The following ENO1 variants were observed in gnomAD, a reference collection of about 807,000 sequenced individuals.
ENO1 encodes alpha-enolase.
In ENO1, 33 loss-of-function variants were observed where a neutral mutation model predicts 46.3. The ratio of observed to expected loss-of-function variants is 0.71; its 90% CI spans 0.54 to 0.95. ENO1 has a LOEUF of 0.95. Among genes scored for constraint, ENO1 ranks in the 40% least tolerant of loss-of-function variants. The pLI, the probability that ENO1 is intolerant of heterozygous loss-of-function variation, is 0.00. For synonymous variants in ENO1, 220 were observed against 216.0 expected (o/e 1.02, Z -0.16); for missense variants, 488 against 553.3 (o/e 0.88, Z 1.18).
Position 8,867,257 on chromosome 1 carries a change from C to T in ENO1, c.311-7G>A. The T allele has an allele frequency of 1.2e-6, 2 of 1,613,924 alleles. No individual in the cohort carries two copies. The highest frequency in any genetic ancestry group is 1.7e-6 in the Non-Finnish European group (2 of 1,179,862). ...GCGTTCGCACCAAACTTAGCTAGAACAGAAGAGAACCGAGTGGAATGAAGT... is the reference window on the plus strand; with the variant it reads ...GCGTTCGCACCAAACTTAGCTAGAATAGAAGAGAACCGAGTGGAATGAAGT... On this transcript the variant is annotated splice_polypyrimidine_tract_variant and splice_region_variant and intron_variant, in intron 5 of 11. Transcript: ENST00000234590.
chr1:8,870,698 C>G, intron 3 of ENO1, 188 bp from the exon 4 acceptor site: 1 of 1,456,888 alleles, frequency 6.9e-7, no homozygotes, highest in Non-Finnish European at 9.0e-7. Context: ...GTGCTCCTAC[C>G]TAGGACCCCA....
intron 2 of ENO1, 37 bp downstream of exon 2, chr1:8,874,787 T>A: frequency 6.4e-7 from 1 of 1,574,222 alleles, no homozygotes; most frequent in African/African-American, 1.4e-5. Context: ...TGAAGCACGG[T>A]GGAAGGAACC....
At chr1:8,870,775 C>T in intron 3 of ENO1, 1 of 1,406,694 alleles carries the variant, frequency 7.1e-7, no homozygotes, top group Non-Finnish European at 9.2e-7. Flanking sequence ...GTTTGCAAGA[C>T]CATGCACTGG....
chr1:8,870,244 T>C (rs1298068279), intron 4 of ENO1: 11 of 587,952 alleles, frequency 1.9e-5, no homozygotes, highest in Non-Finnish European at 3.0e-5. Flanking sequence ...CTCATTCTTC[T>C]GATGCAATTC....
intron 7 of ENO1, chr1:8,866,030 G>A (rs551351346): frequency 9.5e-5 from 40 of 420,110 alleles, no homozygotes; most frequent in African/African-American, 7.6e-4. Flanking sequence ...GTAGTGAGCC[G>A]AGATTGCGCC....
rs1213630557 is a variant in ENO1 at position 8,874,805 on chromosome 1, C to T, written c.85+19G>A. 1.9e-6 allele frequency: 3 copies of T among 1,603,410 alleles called. No individual in the cohort carries two copies. Among genetic ancestry groups the T allele is most frequent in the South Asian group, 2.2e-5 (2 of 89,770 alleles). Reference sequence around the variant, plus strand: ...AGCACGGTGGAAGGAACCATGGAAACCAAGGAGGTGGCACATACCTTTTGA... The same window carrying T: ...AGCACGGTGGAAGGAACCATGGAAATCAAGGAGGTGGCACATACCTTTTGA... On this transcript the variant is annotated intron_variant, in intron 2 of 11. Transcript: ENST00000234590.
intron 9 of ENO1, among the ~76,000 whole-genome samples, chr1:8,863,555 T>C (rs1218198815): frequency 6.6e-6 from 1 of 152,194 alleles, no homozygotes; most frequent in Non-Finnish European, 1.5e-5. Context: ...CCTCCTGTCA[T>C]AGTTGAAACA....
At chr1:8,863,669 C>A (rs781288591) in intron 9 of ENO1, among the ~76,000 whole-genome samples, 3 of 152,156 alleles carry the variant, frequency 2.0e-5, no homozygotes, top group Non-Finnish European at 4.4e-5. Context: ...CTTGAGCTCC[C>A]GAGCTCAAGT....
rs200498822 is a variant in ENO1 at position 8,874,820 on chromosome 1, A to G, written c.85+4T>C. 6.2e-7 allele frequency: 1 copy of G among 1,612,550 alleles called. No individual in the cohort carries two copies. Among genetic ancestry groups the G allele is most frequent in the Non-Finnish European group, 8.5e-7 (1 of 1,179,198 alleles). On this transcript the variant is annotated splice_donor_region_variant and intron_variant, in intron 2 of 11. Transcript: ENST00000234590. ...ACCATGGAAACCAAGGAGGTGGCAC[A>G]TACCTTTTGAGGTGAAGAGATCAAC...
At position 8,866,446 on chromosome 1, in the gene ENO1, T is replaced by G; in HGVS notation, c.500A>C (p.Glu167Ala). Residue 167 changes from glutamate to alanine, a missense_variant, in exon 7 of 12, where the codon GAG becomes GCG. Glu to Ala is a moderately radical substitution (Grantham distance 107). Transcript: ENST00000234590. ...SHAGNKLAMQ[E>A]FMILPVGAAN... ...TGCACCGACTGGGAGGATCATGAACTCCTGCATGGCCAGCTTGTTGCCAGC... is the reference window on the plus strand; with the variant it reads ...TGCACCGACTGGGAGGATCATGAACGCCTGCATGGCCAGCTTGTTGCCAGC... 1 of 1,614,224 alleles carries G rather than the reference T, an allele frequency of 6.2e-7. No homozygotes were observed. Among genetic ancestry groups the G allele is most frequent in the Non-Finnish European group, 8.5e-7 (1 of 1,180,048 alleles).
chr1:8,867,479 G>A (rs1352008560), intron 5 of ENO1, among the ~76,000 whole-genome samples: 1 of 152,168 alleles, frequency 6.6e-6, no homozygotes, highest in Non-Finnish European at 1.5e-5. Flanking sequence ...TTCATTATAA[G>A]GAGCAAAGCT....
intron 8 of ENO1, among the ~76,000 whole-genome samples, chr1:8,864,637 G>A (rs1481831353): frequency 1.3e-5 from 2 of 152,142 alleles, no homozygotes; most frequent in Non-Finnish European, 2.9e-5. Flanking sequence ...TGTAAGAAGA[G>A]GACACTTTTT....
intron 1 of ENO1, among the ~76,000 whole-genome samples, chr1:8,875,502 C>A (rs541327653): frequency 6.6e-6 from 1 of 152,286 alleles, no homozygotes; most frequent in Admixed American, 6.5e-5. Flanking sequence ...AGGTCACAAG[C>A]AAAACCACCT....
intron 11 of ENO1, 52 bp from the exon 12 acceptor site, chr1:8,861,481 C>T (rs1270037363): frequency 6.2e-7 from 1 of 1,602,942 alleles, no homozygotes; most frequent in Non-Finnish European, 8.5e-7. Context: ...AAAGTCAGAC[C>T]TCAAGTTTTA....
intron 10 of ENO1, 125 bp from the exon 11 acceptor site, chr1:8,863,070 A>C: frequency 7.2e-7 from 1 of 1,389,990 alleles, no homozygotes; most frequent in Non-Finnish European, 9.9e-7. Flanking sequence ...TGGGGGCCAC[A>C]ACATACAGGC....
At chr1:8,876,927 C>G (rs1642745670) in intron 1 of ENO1, among the ~76,000 whole-genome samples, 1 of 151,976 alleles carries the variant, frequency 6.6e-6, no homozygotes, top group South Asian at 2.1e-4. Context: ...TCACTGCAAC[C>G]TCAGCCTCCT....
intron 1 of ENO1, 72 bp from the exon 2 acceptor site, chr1:8,874,989 C>G: frequency 7.6e-7 from 1 of 1,322,964 alleles, no homozygotes; most frequent in Non-Finnish European, 1.1e-6. Context: ...TTCAAGGAAT[C>G]ACTTCCGAGG....
At position 8,870,967 on chromosome 1, in the gene ENO1, A is replaced by AG. The variant is rs1287642816; in HGVS notation, c.182-458dup. ...TAAGGACTGCGAGTGAGAGACAGTG[A>AG]GGGGGCAGGAAAGCAGAGGAGAGCA... is the stretch of plus-strand genomic sequence containing the variant. On this transcript the variant is annotated intron_variant, in intron 3 of 11. Coordinates refer to ENST00000234590, the MANE Select transcript of ENO1 (RefSeq NM_001428.5). The AG allele has an allele frequency of 1.5e-5, 19 of 1,246,734 alleles. 1 individual carries two copies. The highest frequency in any genetic ancestry group is 1.7e-5 in the Non-Finnish European group (17 of 994,956). 77.2% of individuals were successfully genotyped at this position (1,246,734 alleles called of 1,614,324 possible).
chr1:8,871,860 G>A (rs555326214), intron 3 of ENO1, 31 bp downstream of exon 3: 1 of 1,605,866 alleles, frequency 6.2e-7, no homozygotes, highest in Admixed American at 1.7e-5. Flanking sequence ...TGGAAGCAGG[G>A]AGGCCATGGG....
Sources: allele counts gnomAD v4.1 joint callset (sites outside exome capture counted in the v4.1 genomes callset), GRCh38; gene constraint gnomAD v4.1.1; transcripts MANE v1.5; gene names NCBI Gene and HGNC (gene_info 2026-07-23, HGNC 2026-07-21).